ADAMTS6: variants seen among roughly 807,000 people sequenced by gnomAD.
The protein encoded by ADAMTS6 is A disintegrin and metalloproteinase with thrombospondin motifs 6.
Under a neutral mutation model 144.3 loss-of-function variants are expected in ADAMTS6, and 23 were observed. The ratio of observed to expected loss-of-function variants is 0.16; its 90% CI spans 0.11 to 0.23. ADAMTS6 has a LOEUF of 0.23. Ranked by LOEUF, ADAMTS6 falls within the 10% of genes least tolerant of loss-of-function variation. ADAMTS6 has a pLI of 1.00. For synonymous variants in ADAMTS6, 444 were observed against 457.5 expected (o/e 0.97, Z 0.38); for missense variants, 999 against 1,379.6 (o/e 0.72, Z 4.37).
intron 3 of ADAMTS6, among the ~76,000 whole-genome samples, chr5:65,466,428 C>T (rs1011697453): frequency 2.6e-5 from 4 of 152,190 alleles, no homozygotes; most frequent in African/African-American, 9.7e-5. Flanking sequence ...ACTTTTTCCT[C>T]CTTGCCATTT....
chr5:65,172,915 C>T lies in ADAMTS6; in HGVS notation c.3004G>A (p.Glu1002Lys), dbSNP rs1320338351. ...ATGCGGACAGGAGGTTTGCTTTCCT[C>T]TGGACATTGTGCAGCTGGGAATGTC... ...SKTFPAAQCP[E>K]ESKPPVRIRC... Residue 1002 changes from glutamate (E) to lysine (K), a missense_variant, in exon 23 of 25, where the codon GAG (glutamate) becomes AAG (lysine). Transcript: ENST00000381055. 1 of 1,614,232 alleles carries T rather than the reference C, an allele frequency of 6.2e-7. No homozygotes were observed. Among genetic ancestry groups the T allele is most frequent in the Admixed American group, 1.7e-5 (1 of 60,022 alleles).
chr5:65,347,445 C>T (rs1052298481), intron 7 of ADAMTS6, among the ~76,000 whole-genome samples: 4 of 151,852 alleles, frequency 2.6e-5, no homozygotes, highest in African/African-American at 9.7e-5. Flanking sequence ...ACTTGATAGC[C>T]ACATGCTGAA....
intron 18 of ADAMTS6, among the ~76,000 whole-genome samples, chr5:65,221,527 T>G (rs921800447): frequency 6.6e-6 from 1 of 152,188 alleles, no homozygotes; most frequent in Non-Finnish European, 1.5e-5. Context: ...GCTAACATTA[T>G]ATTTAATGGT....
chr5:65,256,539 A>G (rs967815748), intron 14 of ADAMTS6: 2 of 152,208 alleles, frequency 1.3e-5, no homozygotes, highest in Admixed American at 1.3e-4. Context: ...TGTTAACTGT[A>G]TCTCCTTATA....
chr5:65,393,615 A>G (rs1386787919), intron 7 of ADAMTS6, among the ~76,000 whole-genome samples: 1 of 152,192 alleles, frequency 6.6e-6, no homozygotes, highest in Non-Finnish European at 1.5e-5. Context: ...AACATCCTCA[A>G]TGCCTGTCAG....
chr5:65,452,371 AAAGGTTTTTATAC>A, intron 5 of ADAMTS6, 155 bp from the exon 6 acceptor site: 1 of 624,962 alleles, frequency 1.6e-6, no homozygotes, highest in Non-Finnish European at 2.7e-6. Flanking sequence ...TGCCTTGGTA[AAAGGTTTTTATAC>A]AAGTCTACCT....
At position 65,170,691 on chromosome 5, in the gene ADAMTS6, A is replaced by G. The variant is rs2112070903; in HGVS notation, c.3170T>C (p.Leu1057Pro). 1.9e-6 allele frequency: 3 copies of G among 1,614,198 alleles called. No individual in the cohort carries two copies. Among genetic ancestry groups the G allele is most frequent in the Non-Finnish European group, 2.5e-6 (3 of 1,180,036 alleles). The change falls in exon 24 of 25, where the codon CTA becomes CCA. Residue 1057 changes from leucine (L) to proline (P), a missense_variant. Physicochemically the swap from Leu to Pro is moderately conservative, Grantham distance 98. Transcript: ENST00000381055. ...SYTGQASSDC[L>P]ETVRPPSMQQ... ...CATTGATGGAGGCCGAACAGTTTCT[A>G]GACAGTCACTAGATGCCTGTCCGGT...
In ADAMTS6 at chr5:65,294,344, G is replaced by A. The variant is rs377688010; in HGVS notation, c.1371-2874C>T. ...AAGTGATCCTCCCACCTCAGCCTCC[G>A]GAGGAGCTGGGACCAGAGGCATGCC... On this transcript the variant is annotated intron_variant, in intron 10 of 24. Transcript: ENST00000381055. 3.4e-4 allele frequency among the ~76,000 whole-genome samples: 51 copies of A among 152,160 alleles called. 1 individual carries two copies. Among genetic ancestry groups the A allele is most frequent in the East Asian group, 9.7e-4 (5 of 5,156 alleles).
intron 7 of ADAMTS6, among the ~76,000 whole-genome samples, chr5:65,408,223 A>G (rs377163670): frequency 5.3e-5 from 8 of 152,254 alleles, no homozygotes; most frequent in South Asian, 2.1e-4. Context: ...AAAGAGTCAA[A>G]ACCCATCAGT....
intron 12 of ADAMTS6, among the ~76,000 whole-genome samples, chr5:65,272,861 C>T (rs1249364393): frequency 6.6e-6 from 1 of 150,500 alleles, no homozygotes; most frequent in Non-Finnish European, 1.5e-5. Flanking sequence ...GTGGAGGTTG[C>T]AGTGAGCCAA....
In ADAMTS6 at chr5:65,300,134, G is replaced by A. The variant is rs1156804711; in HGVS notation, c.1224-3C>T. 6.2e-7 allele frequency: 1 copy of A among 1,610,352 alleles called. No homozygotes were observed. The highest frequency in any genetic ancestry group is 8.5e-7 in the Non-Finnish European group (1 of 1,178,932). On this transcript the variant is annotated splice_region_variant and splice_polypyrimidine_tract_variant and intron_variant, in intron 9 of 24. Transcript: ENST00000381055. The stretch of plus-strand genomic sequence containing the variant: ...TTCCATCATGGTTCATACCAAAACT[G>A]TTTTAATGAGGAAGAAACATAGAAT...
At chr5:65,315,869 C>A (rs1490298841) in intron 9 of ADAMTS6, among the ~76,000 whole-genome samples, 2 of 152,110 alleles carry the variant, frequency 1.3e-5, no homozygotes, top group Non-Finnish European at 2.9e-5. Flanking sequence ...ACTTATAGAA[C>A]TGCAAAGAGA....
chr5:65,221,902 A>G (rs1441797212), intron 18 of ADAMTS6, among the ~76,000 whole-genome samples: 1 of 152,204 alleles, frequency 6.6e-6, no homozygotes, highest in African/African-American at 2.4e-5. Context: ...AGCACCAAAA[A>G]GCATGATTAG....
At chr5:65,199,587 T>C (rs1755604471) in intron 20 of ADAMTS6, among the ~76,000 whole-genome samples, 2 of 152,184 alleles carry the variant, frequency 1.3e-5, no homozygotes, top group African/African-American at 4.8e-5. Context: ...AACTGACCCA[T>C]AGTCCAATAT....
intron 24 of ADAMTS6, among the ~76,000 whole-genome samples, chr5:65,169,631 C>T (rs1196467484): frequency 3.3e-5 from 5 of 149,410 alleles, no homozygotes; most frequent in Non-Finnish European, 7.4e-5. Flanking sequence ...GACTTGGAAC[C>T]AACCCAAATG....
chr5:65,479,587 C>G (rs1382556279), intron 1 of ADAMTS6, among the ~76,000 whole-genome samples: 1 of 152,182 alleles, frequency 6.6e-6, no homozygotes, highest in Admixed American at 6.5e-5. Context: ...CCACTACCCC[C>G]AACACATATT....
At chr5:65,252,356 C>T (rs2112547986) in intron 14 of ADAMTS6, among the ~76,000 whole-genome samples, 1 of 151,578 alleles carries the variant, frequency 6.6e-6, no homozygotes, top group Admixed American at 6.6e-5. Context: ...GCTCTGTTGC[C>T]TCAGCCTCCC....
intron 12 of ADAMTS6, among the ~76,000 whole-genome samples, chr5:65,266,352 C>T (rs1348012312): frequency 6.6e-6 from 1 of 151,878 alleles, no homozygotes; most frequent in Non-Finnish European, 1.5e-5. Context: ...TGCATAAATT[C>T]ATGCTTTGGT....
chr5:65,281,765 T>G (rs983471760), intron 11 of ADAMTS6, among the ~76,000 whole-genome samples: 1 of 152,176 alleles, frequency 6.6e-6, no homozygotes, highest in African/African-American at 2.4e-5. Flanking sequence ...AATCATCTAA[T>G]GTAAAATAAC....
Sources: allele counts gnomAD v4.1 joint callset (sites outside exome capture counted in the v4.1 genomes callset), GRCh38; gene constraint gnomAD v4.1.1; transcripts MANE v1.5; gene names NCBI Gene and HGNC (gene_info 2026-07-23, HGNC 2026-07-21).